TBC1D5: variants seen among roughly 807,000 people sequenced by gnomAD.
TBC1D5 encodes the protein TBC1 domain family, member 5.
A neutral mutation model predicts 100.3 loss-of-function variants in TBC1D5; 75 were observed. That is an observed-to-expected ratio of 0.75 (90% CI 0.62 to 0.91). TBC1D5 has a LOEUF of 0.91. Ranked by LOEUF, TBC1D5 falls within the 40% of genes least tolerant of loss-of-function variation. The pLI is 0.00. For synonymous variants in TBC1D5, 323 were observed against 325.6 expected, an observed-to-expected ratio of 0.99 and a Z score of 0.09; for missense variants, 910 against 942.4, an observed-to-expected ratio of 0.97 and a Z score of 0.45.
chr3:17,442,632 A>G (rs2094691077), intron 3 of TBC1D5, among the ~76,000 whole-genome samples: 1 of 152,202 alleles, frequency 6.6e-6, no homozygotes, highest in Admixed American at 6.5e-5. Flanking sequence ...CTCAAAATAT[A>G]CCCAAAGGAG....
intron 15 of TBC1D5, among the ~76,000 whole-genome samples, chr3:17,258,969 T>C (rs1037562981): frequency 4.6e-5 from 7 of 152,140 alleles, no homozygotes; most frequent in Admixed American, 2.6e-4. Context: ...TCAAGGTAAC[T>C]GCATTTCGGG....
intron 1 of TBC1D5, among the ~76,000 whole-genome samples, chr3:17,639,217 C>T (rs948988335): frequency 6.6e-6 from 1 of 152,034 alleles, no homozygotes; most frequent in African/African-American, 2.4e-5. Flanking sequence ...GGATACCATG[C>T]TACAAAATAG....
At chr3:17,543,656 A>C (rs1321776969) in intron 2 of TBC1D5, among the ~76,000 whole-genome samples, 1 of 152,032 alleles carries the variant, frequency 6.6e-6, no homozygotes, top group East Asian at 1.9e-4. Flanking sequence ...AAACAAAACA[A>C]AACAGAAAAG....
chr3:17,300,367 A>C (rs1162645356), intron 14 of TBC1D5, among the ~76,000 whole-genome samples: 1 of 152,236 alleles, frequency 6.6e-6, no homozygotes, highest in Non-Finnish European at 1.5e-5. Flanking sequence ...GAAAAGACAA[A>C]TAAATACAAT....
intron 13 of TBC1D5, among the ~76,000 whole-genome samples, chr3:17,326,764 G>A (rs1175124577): frequency 6.6e-6 from 1 of 152,196 alleles, no homozygotes; most frequent in Non-Finnish European, 1.5e-5. Context: ...ATGAGCCAGG[G>A]CAGCCAGCCT....
At chr3:17,362,356 T>C (rs896806429) in intron 13 of TBC1D5, among the ~76,000 whole-genome samples, 2 of 152,174 alleles carry the variant, frequency 1.3e-5, no homozygotes, top group Non-Finnish European at 2.9e-5. Context: ...GGGGGACAAT[T>C]TGCAAATGCA....
At chr3:17,328,805 T>G (rs1482264663) in intron 13 of TBC1D5, among the ~76,000 whole-genome samples, 1 of 152,198 alleles carries the variant, frequency 6.6e-6, no homozygotes, top group African/African-American at 2.4e-5. Context: ...TTTATGGATT[T>G]TGGATTTATG....
intron 1 of TBC1D5, among the ~76,000 whole-genome samples, chr3:17,729,956 A>G (rs1560573485): frequency 6.6e-6 from 1 of 151,266 alleles, no homozygotes. Flanking sequence ...TAAAAATACA[A>G]AAAAATTAGT....
At chr3:17,285,014 A>T (rs1419112472) in intron 15 of TBC1D5, among the ~76,000 whole-genome samples, 1 of 152,064 alleles carries the variant, frequency 6.6e-6, no homozygotes, top group Non-Finnish European at 1.5e-5. Context: ...ACAAAAAAAT[A>T]ATTTGAAGAA....
chr3:17,451,874 A>G (rs552016003), intron 3 of TBC1D5, among the ~76,000 whole-genome samples: 47 of 152,126 alleles, frequency 3.1e-4, no homozygotes, highest in Non-Finnish European at 5.6e-4. Context: ...GAGCTCAGAG[A>G]GGACCACCAT....
At chr3:17,515,199 A>G (rs1486927486) in intron 2 of TBC1D5, among the ~76,000 whole-genome samples, 6 of 152,180 alleles carry the variant, frequency 3.9e-5, no homozygotes, top group African/African-American at 1.4e-4. Context: ...AAAAAAACCA[A>G]TGAACAAAAA....
intron 17 of TBC1D5, among the ~76,000 whole-genome samples, chr3:17,228,529 A>G (rs1307326617): frequency 6.6e-6 from 1 of 152,116 alleles, no homozygotes; most frequent in Non-Finnish European, 1.5e-5. Context: ...CACTGGCTGC[A>G]CTTCTCAATG....
At chr3:17,717,266 A>G (rs2075318459) in intron 1 of TBC1D5, among the ~76,000 whole-genome samples, 1 of 151,930 alleles carries the variant, frequency 6.6e-6, no homozygotes, top group South Asian at 2.1e-4. Context: ...TCAAAAAAAA[A>G]AAAGGGGGGT....
At chr3:17,231,339 A>C (rs1337453223) in intron 17 of TBC1D5, among the ~76,000 whole-genome samples, 1 of 152,140 alleles carries the variant, frequency 6.6e-6, no homozygotes, top group African/African-American at 2.4e-5. Flanking sequence ...TGCAACCTAC[A>C]CTGCAAGATA....
At chr3:17,421,191 A>C (rs114084005) in intron 4 of TBC1D5, among the ~76,000 whole-genome samples, 6,070 of 152,324 alleles carry the variant, frequency 0.04, 177 homozygotes, top group Middle Eastern at 0.088. Flanking sequence ...CGTTACTTCG[A>C]GAAGATGTAT....
chr3:17,275,547 A>AAACC (rs960105290), intron 15 of TBC1D5, among the ~76,000 whole-genome samples: 16 of 152,240 alleles, frequency 1.1e-4, no homozygotes, highest in East Asian at 5.8e-4. Context: ...CTCTTTAAAC[A>AAACC]AACCAACCAA....
intron 2 of TBC1D5, among the ~76,000 whole-genome samples, chr3:17,571,795 T>C (rs552527076): frequency 2.6e-5 from 4 of 152,178 alleles, no homozygotes; most frequent in Admixed American, 2.0e-4. Flanking sequence ...GCCAAGGAGA[T>C]GTACTACTCA....
intron 2 of TBC1D5, among the ~76,000 whole-genome samples, chr3:17,582,295 A>G (rs2096703694): frequency 6.6e-6 from 1 of 152,220 alleles, no homozygotes; most frequent in South Asian, 2.1e-4. Context: ...AAAAAATTAA[A>G]GCAAAGCTTT....
intron 1 of TBC1D5, among the ~76,000 whole-genome samples, chr3:17,706,452 C>T (rs556476563): frequency 1.2e-4 from 19 of 152,240 alleles, no homozygotes; most frequent in African/African-American, 4.6e-4. Context: ...CGCGCGCACA[C>T]CCCACTAGTG....
Sources: gnomAD v4.1 joint callset for allele counts (sites outside exome capture counted in the v4.1 genomes callset) on GRCh38, gnomAD v4.1.1 for gene constraint, MANE v1.5 for transcripts, NCBI Gene and HGNC (gene_info 2026-07-23, HGNC 2026-07-21) for gene names.